OPCML: variants seen among roughly 807,000 people sequenced by gnomAD.
OPCML encodes the protein opioid-binding protein/cell adhesion molecule.
Under a neutral mutation model 37.8 loss-of-function variants are expected in OPCML, and 13 were observed. That is an observed-to-expected ratio of 0.34 (90% CI 0.22 to 0.55). The LOEUF is 0.55. OPCML is among the 20% of genes least tolerant of loss of function. OPCML has a pLI of 0.91. For synonymous variants in OPCML, 176 were observed against 168.8 expected (o/e 1.04, Z -0.33); for missense variants, 341 against 435.6 (o/e 0.78, Z 1.93).
rs112600936 is a variant in OPCML at position 132,676,718 on chromosome 11, T to A, written c.147-19399A>T. Among the ~76,000 whole-genome samples the A allele has an allele frequency of 9.9e-3, 1,471 of 148,904 alleles. 19 individuals are homozygous for A. Among genetic ancestry groups the A allele is most frequent in the African/African-American group, 0.023 (950 of 40,534 alleles). ...TTAATCATTAGTAATACATAAAGCCTTAATAAAATACCATTTTAGGCCCAC... is the reference window on the plus strand; with the variant it reads ...TTAATCATTAGTAATACATAAAGCCATAATAAAATACCATTTTAGGCCCAC... On this transcript the variant is annotated intron_variant, in intron 2 of 7. Transcript: ENST00000524381.
In OPCML at chr11:132,494,634, A is replaced by G. The variant is rs990512360; in HGVS notation, c.505+34427T>C. ...CATCAGAAGGAAAAAAAAGAACTCTAGAATTTTTATCTTGCAAGATTTCTA... is the reference window on the plus strand; with the variant it reads ...CATCAGAAGGAAAAAAAAGAACTCTGGAATTTTTATCTTGCAAGATTTCTA... On this transcript the variant is annotated intron_variant, in intron 4 of 7. Coordinates refer to ENST00000524381, the MANE Select transcript of OPCML (RefSeq NM_001012393.5). 1.2e-4 allele frequency among the ~76,000 whole-genome samples: 18 copies of G among 152,368 alleles called. 1 individual carries two copies. Among genetic ancestry groups the G allele is most frequent in the African/African-American group, 4.1e-4 (17 of 41,588 alleles).
chr11:132,818,575 C>T (rs1405458009), intron 2 of OPCML, among the ~76,000 whole-genome samples: 2 of 129,262 alleles, frequency 1.5e-5, no homozygotes, highest in African/African-American at 5.6e-5. Flanking sequence ...TTCCCTAAAA[C>T]CTCTCTCTCT....
At chr11:132,804,826 G>C (rs977034674) in intron 2 of OPCML, among the ~76,000 whole-genome samples, 27 of 152,120 alleles carry the variant, frequency 1.8e-4, no homozygotes, top group Non-Finnish European at 2.9e-5. Context: ...ACAGAATCTA[G>C]AGACTGTATA....
chr11:133,185,679 CATAG>C (rs1195904831), intron 1 of OPCML, among the ~76,000 whole-genome samples: 1 of 152,082 alleles, frequency 6.6e-6, no homozygotes, highest in Non-Finnish European at 1.5e-5. Flanking sequence ...CTAAGGCTCC[CATAG>C]ATATTTTATT....
intron 1 of OPCML, among the ~76,000 whole-genome samples, chr11:133,351,700 A>G (rs1944141239): frequency 6.6e-6 from 1 of 152,116 alleles, no homozygotes. Flanking sequence ...TCCTTAACCC[A>G]GTTCACTTTC....
chr11:132,570,791 A>ATATATATATC (rs2096436040), intron 3 of OPCML, among the ~76,000 whole-genome samples: 2 of 124,516 alleles, frequency 1.6e-5, no homozygotes, highest in South Asian at 5.3e-4. Flanking sequence ...ATATATATAT[A>ATATATATATC]TATATATATA....
At chr11:133,231,400 G>C (rs959980836) in intron 1 of OPCML, among the ~76,000 whole-genome samples, 7 of 152,176 alleles carry the variant, frequency 4.6e-5, no homozygotes, top group Admixed American at 4.6e-4. Flanking sequence ...TCAAAAAGAG[G>C]GGGTGAGAGT....
In OPCML at chr11:132,847,423, A is replaced by T. The variant is rs867176351; in HGVS notation, c.146+95503T>A. Among the ~76,000 whole-genome samples the T allele has an allele frequency of 1.6e-4, 25 of 152,216 alleles. 1 individual carries two copies. The highest frequency in any genetic ancestry group is 9.8e-4 in the Admixed American group (15 of 15,282). ...CGTAGTTATTCAAATTAAAAACAGC[A>T]AGAAAGACCACATTTCTGAACCTGG... On this transcript the variant is annotated intron_variant, in intron 2 of 7. Transcript: ENST00000524381.
intron 1 of OPCML, among the ~76,000 whole-genome samples, chr11:133,379,791 T>C (rs1350199919): frequency 1.3e-5 from 2 of 152,214 alleles, no homozygotes; most frequent in Non-Finnish European, 2.9e-5. Context: ...AGATCCACAG[T>C]GTACAATAAC....
Position 132,594,104 on chromosome 11 carries a change from G to A in OPCML, c.379+62983C>T, listed in dbSNP as rs140835478. Among the ~76,000 whole-genome samples the A allele has an allele frequency of 1.3e-3, 194 of 152,310 alleles. 1 individual carries two copies. The highest frequency in any genetic ancestry group is 4.6e-3 in the African/African-American group (191 of 41,572). On this transcript the variant is annotated intron_variant, in intron 3 of 7. Transcript: ENST00000524381. ...GTGTGCTTAGCTATGATTTTGTTCT[G>A]CTTCACCATCTATAAGCCTACAAAG... is the stretch of plus-strand genomic sequence containing the variant.
At chr11:133,267,712 G>T (rs768386386) in intron 1 of OPCML, among the ~76,000 whole-genome samples, 7 of 152,104 alleles carry the variant, frequency 4.6e-5, no homozygotes, top group Non-Finnish European at 1.0e-4. Flanking sequence ...TCGTGGGAGG[G>T]ACCCAGTGGG....
intron 1 of OPCML, among the ~76,000 whole-genome samples, chr11:133,189,976 G>A (rs150638495): frequency 1.2e-4 from 19 of 152,300 alleles, no homozygotes; most frequent in African/African-American, 2.9e-4. Flanking sequence ...CTTCCCTGGC[G>A]GGACCTGGTT....
At chr11:133,410,241 G>T (rs11223466) in intron 1 of OPCML, among the ~76,000 whole-genome samples, 1 of 152,168 alleles carries the variant, frequency 6.6e-6, no homozygotes, top group Non-Finnish European at 1.5e-5. Context: ...GTGAATGTTA[G>T]AAAAATAGGT....
At chr11:132,642,125 G>A (rs1443324540) in intron 3 of OPCML, among the ~76,000 whole-genome samples, 1 of 152,216 alleles carries the variant, frequency 6.6e-6, no homozygotes, top group African/African-American at 2.4e-5. Flanking sequence ...ACTTGGGGAG[G>A]TCTCTACATT....
At chr11:133,521,685 G>A (rs1032424578) in intron 1 of OPCML, among the ~76,000 whole-genome samples, 1 of 152,208 alleles carries the variant, frequency 6.6e-6, no homozygotes, top group African/African-American at 2.4e-5. Context: ...AAAGCCAGGG[G>A]ACTCCCAAGG....
chr11:133,361,642 C>T, intron 1 of OPCML: 1 of 163,092 alleles, frequency 6.1e-6, no homozygotes. Flanking sequence ...GGGGCACCTG[C>T]AGCTATCCCG....
At chr11:132,552,460 C>T (rs1428928884) in intron 3 of OPCML, among the ~76,000 whole-genome samples, 1 of 152,140 alleles carries the variant, frequency 6.6e-6, no homozygotes, top group Non-Finnish European at 1.5e-5. Flanking sequence ...CAATCACTTG[C>T]TTTTATTTTC....
At chr11:133,088,220 G>A (rs189276339) in intron 1 of OPCML, among the ~76,000 whole-genome samples, 9 of 119,064 alleles carry the variant, frequency 7.6e-5, no homozygotes, top group Middle Eastern at 4.2e-3. Context: ...GGAGAACCAC[G>A]GCTTTGCTAA....
At chr11:132,724,482 C>A (rs1197941068) in intron 2 of OPCML, among the ~76,000 whole-genome samples, 1 of 152,110 alleles carries the variant, frequency 6.6e-6, no homozygotes, top group Non-Finnish European at 1.5e-5. Flanking sequence ...GTTCCTCCCA[C>A]AACAAGTTGG....
Sources: allele counts gnomAD v4.1 joint callset (sites outside exome capture counted in the v4.1 genomes callset), GRCh38; gene constraint gnomAD v4.1.1; transcripts MANE v1.5; gene names NCBI Gene and HGNC (gene_info 2026-07-23, HGNC 2026-07-21).